EVC: variants seen among roughly 807,000 people sequenced by gnomAD.
EVC encodes the protein evC complex member EVC.
A neutral mutation model predicts 118.9 loss-of-function variants in EVC; 116 were observed. The observed-to-expected ratio is 0.98, with a 90% CI of 0.84 to 1.14. The LOEUF is 1.14. EVC is among the 50% of genes most tolerant of loss of function. EVC has a pLI of 0.00. For missense variants in EVC, 1,401 were observed against 1,246.4 expected (o/e 1.12, Z -1.87); for synonymous variants, 619 against 534.7 (o/e 1.16, Z -2.18).
the EVC span, among the ~76,000 whole-genome samples, chr4:5,820,524 G>GAATC: frequency 2.0e-5 from 3 of 152,160 alleles, no homozygotes; most frequent in Non-Finnish European, 2.9e-5. Context: ...CAACAGGAGG[G>GAATC]AATCAATGCA....
chr4:5,801,251 G>T (rs1017622212), intron 15 of EVC, among the ~76,000 whole-genome samples: 1 of 152,208 alleles, frequency 6.6e-6, no homozygotes, highest in Admixed American at 6.5e-5. Flanking sequence ...TTCTGACCCT[G>T]CATTCTTGCT....
At chr4:5,768,210 T>C (rs1431315129) in intron 11 of EVC, among the ~76,000 whole-genome samples, 1 of 152,108 alleles carries the variant, frequency 6.6e-6, no homozygotes, top group Admixed American at 6.5e-5. Flanking sequence ...TGTTCCAAGA[T>C]AGTTGCATTT....
intron 12 of EVC, among the ~76,000 whole-genome samples, chr4:5,785,498 G>C (rs151293268): frequency 7.1e-4 from 108 of 152,352 alleles, no homozygotes; most frequent in African/African-American, 2.1e-3. Flanking sequence ...AGAGGAGAGC[G>C]TTATGCAAAC....
chr4:5,758,114 G>C lies in EVC; in HGVS notation c.1563+1752G>C, dbSNP rs907686121. The C allele has an allele frequency of 1.6e-5, 11 of 702,280 alleles. No individual in the cohort carries two copies. The African/African-American group carries it at 1.7e-4, about 11-fold the overall frequency. 43.5% of individuals were successfully genotyped at this position (702,280 alleles called of 1,614,324 possible). A position where few individuals can be genotyped will look rare whatever the true frequency, so the allele number is the denominator to read the frequency against. ...GAGAAGACATAGAGACACAGGGAAG[G>C]AGGCTGTTTGAAGACAGAAGGAGGG... On this transcript the variant is annotated intron_variant, in intron 11 of 20. Transcript: ENST00000264956.
intron 2 of EVC, among the ~76,000 whole-genome samples, chr4:5,727,257 C>G (rs1292337823): frequency 1.3e-5 from 2 of 152,136 alleles, no homozygotes; most frequent in Non-Finnish European, 2.9e-5. Context: ...TTTTAATGAT[C>G]TCCATTCTAA....
At position 5,810,992 on chromosome 4, in the gene EVC, C is replaced by T. The variant is rs1241792860; in HGVS notation, c.2934C>T (p.Asp978=). The part of the protein sequence containing the change: ...RLSQQESEAG[D]SGNSKKMLKR... ...GTCAGCAAGAAAGTGAAGCTGGGGACAGTGGGAACTCAAAGAAGATGCTAA... is the reference window on the plus strand; with the variant it reads ...GTCAGCAAGAAAGTGAAGCTGGGGATAGTGGGAACTCAAAGAAGATGCTAA... Residue 978 remains aspartate, a synonymous_variant, in exon 21 of 21, where the codon GAC becomes GAT. Coordinates refer to ENST00000264956, the MANE Select transcript of EVC (RefSeq NM_153717.3). 1.2e-6 allele frequency: 2 copies of T among 1,613,186 alleles called. No homozygotes were observed. Among genetic ancestry groups the T allele is most frequent in the South Asian group, 1.1e-5 (1 of 90,802 alleles).
chr4:5,820,631 T>G, the EVC span: 2 of 152,146 alleles, frequency 1.3e-5, no homozygotes, highest in African/African-American at 4.8e-5. Context: ...AGTCATGAAC[T>G]GAATCTCTCC....
chr4:5,821,051 G>A, the EVC span: 1 of 152,388 alleles, frequency 6.6e-6, no homozygotes, highest in East Asian at 1.9e-4. The surrounding 1 kb of genome is among the most constrained non-coding windows in gnomAD (Gnocchi z 4.4). Context: ...GAAGCCTAGA[G>A]CTGGCTTGAA....
At chr4:5,752,384 G>A (rs565858002) in intron 8 of EVC, among the ~76,000 whole-genome samples, 7 of 152,178 alleles carry the variant, frequency 4.6e-5, no homozygotes, top group South Asian at 4.1e-4. Context: ...TGAAAATCTC[G>A]GCCGTCCTCA....
At chr4:5,773,616 G>A (rs1342358953) in intron 11 of EVC, among the ~76,000 whole-genome samples, 1 of 152,076 alleles carries the variant, frequency 6.6e-6, no homozygotes, top group Non-Finnish European at 1.5e-5. Context: ...GAGGCGGTGC[G>A]CTGAGCTGCC....
intron 17 of EVC, among the ~76,000 whole-genome samples, chr4:5,806,858 C>CT (rs1715998148): frequency 6.6e-6 from 1 of 152,186 alleles, no homozygotes; most frequent in Non-Finnish European, 1.5e-5. Flanking sequence ...TATAGTTTGT[C>CT]TTTTTAGTGA....
chr4:5,753,866 A>G lies in EVC; in HGVS notation c.1397A>G (p.Gln466Arg). ...GGAACGGCAAAACTCACGCTGGCCC[A>G]AGAGGAGGAACAGAGAAGCTTCCTG... Reference protein sequence around the residue: ...VEGTAKLTLAQEEEQRSFLAE... With the variant: ...VEGTAKLTLAREEEQRSFLAE... The change falls in exon 10 of 21, where the codon CAA becomes CGA. Residue 466 changes from glutamine (Q) to arginine (R), a missense_variant. Physicochemically the swap from Gln to Arg is conservative, Grantham distance 43 (BLOSUM62 1). Coordinates refer to ENST00000264956, the MANE Select transcript of EVC (RefSeq NM_153717.3). The G allele has an allele frequency of 2.5e-6, 4 of 1,614,002 alleles. No homozygotes were observed. The highest frequency in any genetic ancestry group is 3.4e-6 in the Non-Finnish European group (4 of 1,180,032).
intron 18 of EVC, among the ~76,000 whole-genome samples, chr4:5,809,059 G>GT (rs1716474315): frequency 6.6e-6 from 1 of 152,214 alleles, no homozygotes; most frequent in Admixed American, 6.5e-5. Flanking sequence ...TACTGCTACT[G>GT]TCCCCATTAC....
chr4:5,756,165 T>C lies in EVC; in HGVS notation c.1465-99T>C. 1.1e-6 allele frequency: 1 copy of C among 937,926 alleles called. No homozygotes were observed. The highest frequency in any genetic ancestry group is 1.7e-6 in the Non-Finnish European group (1 of 596,846). The allele number at this position is 937,926 out of a possible 1,614,324, so 58.1% of individuals were successfully genotyped here. A position where few individuals can be genotyped will look rare whatever the true frequency, so the allele number is the denominator to read the frequency against. On this transcript the variant is annotated intron_variant, in intron 10 of 20. Coordinates refer to ENST00000264956, the MANE Select transcript of EVC (RefSeq NM_153717.3). The surrounding 1 kb of genome is among the most constrained non-coding windows in gnomAD (Gnocchi z 4.2). ...GTAATACAGGTGCCAACATCCTTCT[T>C]TCTAACCTGAGATGCAGGGGATGGT...
intron 8 of EVC, among the ~76,000 whole-genome samples, chr4:5,750,450 A>G (rs956327848): frequency 1.3e-5 from 2 of 152,186 alleles, no homozygotes; most frequent in African/African-American, 2.4e-5. Flanking sequence ...TTTAATGAGC[A>G]CCTACTGTGT....
At chr4:5,810,648 C>A (rs896521850) in intron 20 of EVC, among the ~76,000 whole-genome samples, 198 bp downstream of exon 20, 5 of 152,184 alleles carry the variant, frequency 3.3e-5, no homozygotes, top group Non-Finnish European at 5.9e-5. Context: ...TGGCTGTTAC[C>A]CTTCCTGTTT....
intron 11 of EVC, among the ~76,000 whole-genome samples, chr4:5,775,507 G>A (rs1258927409): frequency 6.6e-6 from 1 of 152,110 alleles, no homozygotes; most frequent in Non-Finnish European, 1.5e-5. Flanking sequence ...AGCTTTGGCA[G>A]TTTTTGAACT....
chr4:5,825,938 T>A, the EVC span: 1 of 480,182 alleles, frequency 2.1e-6, no homozygotes, highest in Non-Finnish European at 3.7e-6. The surrounding 1 kb of genome is among the most constrained non-coding windows in gnomAD (Gnocchi z 4.4). Context: ...ATACATGCAG[T>A]CATGCACACA....
At chr4:5,795,653 AAAAC>A (rs1218227546) in intron 13 of EVC, among the ~76,000 whole-genome samples, 1 of 152,214 alleles carries the variant, frequency 6.6e-6, no homozygotes, top group East Asian at 1.9e-4. Context: ...CTCCATCTCA[AAAAC>A]AAATAAACAA....
Sources: gnomAD v4.1 joint callset for allele counts (sites outside exome capture counted in the v4.1 genomes callset) on GRCh38, gnomAD v4.1.1 for gene constraint, Gnocchi (gnomAD v3.1) non-coding constraint, MANE v1.5 for transcripts, NCBI Gene and HGNC (gene_info 2026-07-23, HGNC 2026-07-21) for gene names.